The following BCR variants were observed in gnomAD, a reference collection of about 807,000 sequenced individuals.
BCR encodes breakpoint cluster region protein.
BCR carries 58 observed loss-of-function variants against 138.6 expected under a neutral mutation model. The ratio of observed to expected loss-of-function variants is 0.42; its 90% CI spans 0.34 to 0.52. The LOEUF (loss-of-function observed/expected upper bound fraction) is 0.52. Among genes scored for constraint, BCR ranks in the 20% least tolerant of loss-of-function variants. The probability of loss-of-function intolerance (pLI) is 0.06; values close to 1 mark genes in which losing one functional copy is unlikely to be tolerated. For synonymous variants in BCR, 786 were observed against 730.1 expected (o/e 1.08, Z -1.23); for missense variants, 1,599 against 1,727.2 (o/e 0.93, Z 1.32).
At chr22:23,276,814 C>T (rs753021654) in intron 8 of BCR, among the ~76,000 whole-genome samples, 3 of 152,236 alleles carry the variant, frequency 2.0e-5, no homozygotes, top group Admixed American at 6.5e-5. Flanking sequence ...GCCAGATGGG[C>T]GAAGCCCCGT....
chr22:23,183,461 A>G (rs2072296460), intron 1 of BCR, among the ~76,000 whole-genome samples: 1 of 152,204 alleles, frequency 6.6e-6, no homozygotes, highest in South Asian at 2.1e-4. Flanking sequence ...ACTTCCAGTT[A>G]CTGATCTTCC....
Position 23,315,626 on chromosome 22 carries a change from CCCAAGTGTTGGGCCATCT to C in BCR, c.*105_*122del. The C allele has an allele frequency of 9.2e-7, 1 of 1,088,226 alleles. No homozygotes were observed. Among genetic ancestry groups the C allele is most frequent in the East Asian group, 2.5e-5 (1 of 40,226 alleles). The allele number at this position is 1,088,226 out of a possible 1,614,324, so 67.4% of individuals were successfully genotyped here. ...CTTCCTGAGGTGTCCTTGGGCCACC[CCCAAGTGTTGGGCCATCT>C]GCCAAGAGACAGCGACCCAAAGCCG... On this transcript the variant is annotated 3_prime_UTR_variant, in exon 23 of 23. Transcript: ENST00000305877.
At chr22:23,315,244 C>T (rs866407382) in intron 22 of BCR, among the ~76,000 whole-genome samples, 189 bp from the exon 23 acceptor site, 23 of 151,652 alleles carry the variant, frequency 1.5e-4, no homozygotes, top group Middle Eastern at 3.4e-3. Flanking sequence ...AAATAACCAC[C>T]CCCCACCCAA....
intron 1 of BCR, among the ~76,000 whole-genome samples, chr22:23,212,792 GA>G (rs1215979232): frequency 6.6e-6 from 1 of 152,240 alleles, no homozygotes; most frequent in Non-Finnish European, 1.5e-5. Context: ...TCTCACTGAA[GA>G]GGAACATAGA....
At chr22:23,201,896 A>G (rs1254758888) in intron 1 of BCR, among the ~76,000 whole-genome samples, 3 of 152,202 alleles carry the variant, frequency 2.0e-5, no homozygotes, top group Admixed American at 1.3e-4. Context: ...ATGAAGAGTC[A>G]TGGGGAAGGT....
intron 3 of BCR, 61 bp downstream of exon 3, chr22:23,261,115 C>G (rs550173854): frequency 2.0e-5 from 30 of 1,510,848 alleles, no homozygotes; most frequent in Non-Finnish European, 2.6e-5. Context: ...GGTTGGGGAG[C>G]CTCTTTGCCC....
intron 1 of BCR, among the ~76,000 whole-genome samples, chr22:23,234,561 C>T (rs1055853715): frequency 5.3e-5 from 8 of 152,052 alleles, no homozygotes; most frequent in African/African-American, 1.2e-4. Context: ...GAGAGCATCC[C>T]GCAGCCCAGG....
At chr22:23,269,519 C>A (rs1341119564) in intron 5 of BCR, among the ~76,000 whole-genome samples, 2 of 152,172 alleles carry the variant, frequency 1.3e-5, no homozygotes, top group Non-Finnish European at 2.9e-5. Context: ...TTTGTGCCGT[C>A]TTATTGTTTA....
chr22:23,278,829 G>A (rs951934101), intron 8 of BCR, among the ~76,000 whole-genome samples: 2 of 152,362 alleles, frequency 1.3e-5, no homozygotes, highest in East Asian at 1.9e-4. Flanking sequence ...CCCCAGGGGT[G>A]AAGACAGGAT....
intron 2 of BCR, among the ~76,000 whole-genome samples, chr22:23,258,733 C>A (rs1438857665): frequency 1.3e-5 from 2 of 152,214 alleles, no homozygotes; most frequent in Non-Finnish European, 2.9e-5. Flanking sequence ...TCCTGCAAGG[C>A]ACAGGATGCC....
In BCR at chr22:23,259,092, C is replaced by T. The variant is rs540520899; in HGVS notation, c.1462-1858C>T. Among the ~76,000 whole-genome samples the T allele has an allele frequency of 2.6e-4, 39 of 152,374 alleles. No homozygotes were observed. The East Asian group carries it at 6.6e-3, about 26-fold the overall frequency. ...ACATTGCCAGTGGCCAGGGAGTAGG[C>T]GGGAGTGGCCAGGAAGTCAGGTGGC... On this transcript the variant is annotated intron_variant, in intron 2 of 22. Transcript: ENST00000305877.
rs146452628 is a variant in BCR at position 23,302,026 on chromosome 22, CTGGCTTG to C, written c.3012+6877_3012+6883del. On this transcript the variant is annotated intron_variant, in intron 16 of 22. Transcript: ENST00000305877. Reference sequence around the variant, plus strand: ...CTGTACTGTGTATCCCCTTGCCTTTCTGGCTTGTGGCTCTGAACAAAGCAGGTCACCC... The same window carrying C: ...CTGTACTGTGTATCCCCTTGCCTTTCTGGCTCTGAACAAAGCAGGTCACCC... Among the ~76,000 whole-genome samples the C allele has an allele frequency of 1.9e-3, 297 of 152,310 alleles. 3 individuals carry two copies. Among genetic ancestry groups the C allele is most frequent in the African/African-American group, 7.0e-3 (291 of 41,564 alleles).
chr22:23,181,586 A>G lies in BCR; in HGVS notation c.626A>G (p.Gln209Arg). 1 of 1,612,864 alleles carries G rather than the reference A, an allele frequency of 6.2e-7. No individual in the cohort carries two copies. The highest frequency in any genetic ancestry group is 2.2e-5 in the East Asian group (1 of 44,876). ...RISSLGSQAM[Q>R]MERKKSQHGA... ...AGCTCCCTGGGCAGCCAGGCCATGCAGATGGAGCGCAAAAAGTCCCAGCAC... is the reference window on the plus strand; with the variant it reads ...AGCTCCCTGGGCAGCCAGGCCATGCGGATGGAGCGCAAAAAGTCCCAGCAC... Residue 209 changes from glutamine to arginine, a missense_variant, in exon 1 of 23, where the codon CAG becomes CGG. Gln to Arg is a conservative substitution (Grantham distance 43). This residue lies in a region of BCR where 806 missense variants were observed against 635.0 expected (regional missense o/e 1.27). Coordinates refer to ENST00000305877, the MANE Select transcript of BCR (RefSeq NM_004327.4).
chr22:23,256,403 GA>G (rs2073295598), intron 2 of BCR, among the ~76,000 whole-genome samples: 1 of 152,054 alleles, frequency 6.6e-6, no homozygotes. Flanking sequence ...GGTGCTGTGG[GA>G]AGGATTCACA....
intron 1 of BCR, among the ~76,000 whole-genome samples, chr22:23,245,430 G>A (rs2073145377): frequency 6.6e-6 from 1 of 152,156 alleles, no homozygotes; most frequent in Non-Finnish European, 1.5e-5. Flanking sequence ...GTTGGGGTAC[G>A]GCATGAGGGC....
intron 4 of BCR, among the ~76,000 whole-genome samples, chr22:23,265,448 G>C (rs1568962973): frequency 6.6e-6 from 1 of 152,206 alleles, no homozygotes; most frequent in Non-Finnish European, 1.5e-5. Flanking sequence ...GACCAAAGGA[G>C]CTTGCAGTGC....
chr22:23,283,589 G>A (rs993341163), intron 8 of BCR: 1 of 168,032 alleles, frequency 6.0e-6, no homozygotes, highest in African/African-American at 2.4e-5. Flanking sequence ...ACCCCAGAGA[G>A]GCACTGGCTT....
chr22:23,256,415 C>T (rs1324352256), intron 2 of BCR, among the ~76,000 whole-genome samples: 2 of 152,140 alleles, frequency 1.3e-5, no homozygotes, highest in African/African-American at 4.8e-5. Context: ...AGGATTCACA[C>T]AGGCTGGCCT....
In BCR at chr22:23,183,120, A is replaced by G. The variant is rs538458148; in HGVS notation, c.1279+881A>G. Reference sequence around the variant, plus strand: ...AGATTCTAGCACTAAGATTAAAACTATGGGATTGTACGCCTAACTTCTGTG... The same window carrying G: ...AGATTCTAGCACTAAGATTAAAACTGTGGGATTGTACGCCTAACTTCTGTG... On this transcript the variant is annotated intron_variant, in intron 1 of 22. Transcript: ENST00000305877. 1.6e-4 allele frequency among the ~76,000 whole-genome samples: 24 copies of G among 151,606 alleles called. No individual in the cohort carries two copies. The South Asian group carries it at 3.1e-3, about 20-fold the overall frequency.
Sources: allele counts gnomAD v4.1 joint callset (sites outside exome capture counted in the v4.1 genomes callset), GRCh38; gene constraint gnomAD v4.1.1; regional missense constraint gnomAD v4.1.1; transcripts MANE v1.5; gene names NCBI Gene and HGNC (gene_info 2026-07-23, HGNC 2026-07-21).